The following SLC5A4 variants were observed in gnomAD, a reference collection of about 807,000 sequenced individuals.
The protein encoded by SLC5A4 is probable glucose sensor protein SLC5A4.
A neutral mutation model predicts 70.3 loss-of-function variants in SLC5A4; 55 were observed. That is an observed-to-expected ratio of 0.78 (90% CI 0.63 to 0.98). The LOEUF (loss-of-function observed/expected upper bound fraction) is 0.98, where lower values mean the gene tolerates loss of function less well. Among genes scored for constraint, SLC5A4 ranks in the 50% least tolerant of loss-of-function variants. The pLI, the probability that SLC5A4 is intolerant of heterozygous loss-of-function variation, is 0.00. For missense variants in SLC5A4, 735 were observed against 839.2 expected (o/e 0.88, Z 1.53); for synonymous variants, 268 against 305.7 (o/e 0.88, Z 1.29).
At position 32,231,079 on chromosome 22, in the gene SLC5A4, G is replaced by T; in HGVS notation, c.1022-4C>A. The T allele has an allele frequency of 6.2e-7, 1 of 1,600,942 alleles. No homozygotes were observed. The highest frequency in any genetic ancestry group is 8.6e-7 in the Non-Finnish European group (1 of 1,168,202). On this transcript the variant is annotated splice_polypyrimidine_tract_variant and splice_region_variant and intron_variant, in intron 9 of 14. Transcript: ENST00000266086. ...GGTACCACACATGCTACCATATCTGGGGAAGAATTCAGAAGTGAGTCCAAT... is the reference window on the plus strand; with the variant it reads ...GGTACCACACATGCTACCATATCTGTGGAAGAATTCAGAAGTGAGTCCAAT...
the SLC5A4 span, among the ~76,000 whole-genome samples, chr22:32,349,259 C>T: frequency 6.6e-6 from 1 of 152,226 alleles, no homozygotes; most frequent in Non-Finnish European, 1.5e-5. Flanking sequence ...AGGCGTGAGC[C>T]ACTGCGCCCG....
chr22:32,289,937 C>A, the SLC5A4 span, among the ~76,000 whole-genome samples: 1 of 152,068 alleles, frequency 6.6e-6, no homozygotes, highest in African/African-American at 2.4e-5. Context: ...CCATTTTATG[C>A]TCTTTAATAT....
chr22:32,291,558 G>T, the SLC5A4 span, among the ~76,000 whole-genome samples: 7 of 152,278 alleles, frequency 4.6e-5, no homozygotes, highest in Non-Finnish European at 1.0e-4. Flanking sequence ...GGGGAAAATT[G>T]ACACATTTAC....
At chr22:32,270,278 A>G in the SLC5A4 span, 1 of 772,292 alleles carries the variant, frequency 1.3e-6, no homozygotes, top group Non-Finnish European at 2.3e-6. Context: ...GAAGAGTTTC[A>G]GAACAACCCT....
chr22:32,257,283 G>A (rs1292848469), upstream of SLC5A4, among the ~76,000 whole-genome samples: 1 of 152,206 alleles, frequency 6.6e-6, no homozygotes, highest in South Asian at 2.1e-4. Flanking sequence ...TCCTTGTGGA[G>A]CAGGACTACC....
At chr22:32,292,559 G>A in the SLC5A4 span, among the ~76,000 whole-genome samples, 11 of 150,692 alleles carry the variant, frequency 7.3e-5, no homozygotes, top group African/African-American at 2.7e-4. Context: ...CCTTGATCTT[G>A]GACTTCCCAG....
upstream of SLC5A4, among the ~76,000 whole-genome samples, chr22:32,256,649 A>T (rs182786490): frequency 1.0e-3 from 159 of 152,326 alleles, no homozygotes; most frequent in African/African-American, 3.4e-3. Flanking sequence ...TATTCTAGGT[A>T]CCTCATACAA....
At chr22:32,308,273 T>TAAAAAATTTTACAAGTCTGCA in the SLC5A4 span, among the ~76,000 whole-genome samples, 1 of 151,986 alleles carries the variant, frequency 6.6e-6, no homozygotes, top group Non-Finnish European at 1.5e-5. Flanking sequence ...ATAAGCCAAT[T>TAAAAAATTTTACAAGTCTGCA]AAAAAATTTT....
the SLC5A4 span, among the ~76,000 whole-genome samples, chr22:32,343,913 ATAAGTAAGTCTT>A: frequency 2.6e-5 from 4 of 152,218 alleles, no homozygotes. Flanking sequence ...TATAGATCTA[ATAAGTAAGTCTT>A]TAGTGTATAT....
At chr22:32,341,035 A>T in the SLC5A4 span, among the ~76,000 whole-genome samples, 1 of 152,094 alleles carries the variant, frequency 6.6e-6, no homozygotes, top group Non-Finnish European at 1.5e-5. Flanking sequence ...CACGTGAAAC[A>T]GGAAAGAAAG....
At chr22:32,252,641 G>C (rs771762070) in intron 2 of SLC5A4, among the ~76,000 whole-genome samples, 3 of 152,104 alleles carry the variant, frequency 2.0e-5, no homozygotes, top group Non-Finnish European at 2.9e-5. Flanking sequence ...CCTGTCTTGG[G>C]GGAGCATTGG....
chr22:32,297,971 A>G, the SLC5A4 span, among the ~76,000 whole-genome samples: 1 of 102,836 alleles, frequency 9.7e-6, no homozygotes, highest in African/African-American at 3.7e-5. Flanking sequence ...GTTTTGAGTG[A>G]GATTCTTAAT....
the SLC5A4 span, among the ~76,000 whole-genome samples, chr22:32,267,563 C>CA: frequency 6.6e-6 from 1 of 152,232 alleles, no homozygotes; most frequent in Admixed American, 6.5e-5. Context: ...ACTGTAGCTT[C>CA]AACTTCTTGG....
At chr22:32,309,040 G>GT in the SLC5A4 span, among the ~76,000 whole-genome samples, 2 of 152,132 alleles carry the variant, frequency 1.3e-5, no homozygotes, top group Non-Finnish European at 2.9e-5. Context: ...CTGTGTTCAT[G>GT]TTATGCTAAT....
intron 11 of SLC5A4, among the ~76,000 whole-genome samples, chr22:32,227,909 G>A (rs1345295072): frequency 1.3e-5 from 2 of 152,116 alleles, no homozygotes; most frequent in African/African-American, 4.8e-5. Flanking sequence ...AGAGGTTGCA[G>A]TGAGCCAAGA....
the SLC5A4 span, among the ~76,000 whole-genome samples, chr22:32,263,583 A>C: frequency 6.6e-6 from 1 of 152,170 alleles, no homozygotes; most frequent in Admixed American, 6.6e-5. Context: ...AAATAGGAAC[A>C]CTTTTATACT....
chr22:32,220,609 G>A (rs1447677280), intron 14 of SLC5A4, among the ~76,000 whole-genome samples: 1 of 152,156 alleles, frequency 6.6e-6, no homozygotes, highest in African/African-American at 2.4e-5. Context: ...AGAGAAGGTG[G>A]GGCTAGATGC....
chr22:32,247,462 C>G lies in SLC5A4; in HGVS notation c.426G>C (p.Gln142His). ...AGAGGGAGAGGATGGAGAGGTAGAC[C>G]TGGAGTCGCTCCCCACCAAACCGCT... ...LKKRFGGERL[Q>H]VYLSILSLFI... is the part of the protein sequence containing the mutation. Residue 142 changes from glutamine to histidine, a missense_variant, in exon 5 of 15, where the codon CAG becomes CAC. Transcript: ENST00000266086. The G allele has an allele frequency of 6.2e-7, 1 of 1,611,834 alleles. No homozygotes were observed. Among genetic ancestry groups the G allele is most frequent in the Non-Finnish European group, 8.5e-7 (1 of 1,178,386 alleles).
the SLC5A4 span, among the ~76,000 whole-genome samples, chr22:32,334,971 G>T: frequency 6.6e-6 from 1 of 152,316 alleles, no homozygotes; most frequent in African/African-American, 2.4e-5. Flanking sequence ...AAGGGACCGT[G>T]GAGGCTCAGA....
Sources: allele counts gnomAD v4.1 joint callset (sites outside exome capture counted in the v4.1 genomes callset), GRCh38; gene constraint gnomAD v4.1.1; transcripts MANE v1.5; gene names NCBI Gene and HGNC (gene_info 2026-07-23, HGNC 2026-07-21).